Variants in ATXN7L1 observed in about 807,000 individuals in gnomAD.
The protein encoded by ATXN7L1 is ataxin-7-like protein 1.
ATXN7L1 carries 15 observed loss-of-function variants against 70.8 expected under a neutral mutation model. The ratio of observed to expected loss-of-function variants is 0.21; its 90% confidence interval spans 0.14 to 0.33. The LOEUF is 0.33. Among genes scored for constraint, ATXN7L1 ranks in the 10% least tolerant of loss-of-function variants. The pLI is 1.00. For missense variants in ATXN7L1, 975 were observed against 1,097.1 expected, an observed-to-expected ratio of 0.89 and a Z score of 1.57; for synonymous variants, 440 against 445.1, an observed-to-expected ratio of 0.99 and a Z score of 0.14.
At chr7:105,675,524 T>C (rs1370601822) in intron 3 of ATXN7L1, among the ~76,000 whole-genome samples, 3 of 149,256 alleles carry the variant, frequency 2.0e-5, no homozygotes, top group Admixed American at 2.0e-4. Context: ...ACTCGGGAGG[T>C]TGAGGTGGGA....
chr7:105,634,051 T>A (rs1797005652), intron 7 of ATXN7L1, among the ~76,000 whole-genome samples: 2 of 152,106 alleles, frequency 1.3e-5, no homozygotes, highest in South Asian at 4.1e-4. Context: ...ACCTTTTAGC[T>A]CTGATTGCTG....
Position 105,663,598 on chromosome 7 carries a change from C to T in ATXN7L1, c.578+1468G>A, listed in dbSNP as rs146785938. Among the ~76,000 whole-genome samples, 7 of 152,310 alleles carry T rather than the reference C, an allele frequency of 4.6e-5. No individual in the cohort carries two copies. In the East Asian group the frequency reaches 1.3e-3, roughly 29 times the overall value. On this transcript the variant is annotated intron_variant, in intron 4 of 11. Transcript: ENST00000419735. ...GGCTTGAAAGATAAGCATAGAGGTGCTGTCAGAAGCCAGTTCCTTAAGTAC... is the reference window on the plus strand; with the variant it reads ...GGCTTGAAAGATAAGCATAGAGGTGTTGTCAGAAGCCAGTTCCTTAAGTAC...
At chr7:105,636,994 A>C (rs1437443029) in intron 7 of ATXN7L1, among the ~76,000 whole-genome samples, 2 of 152,218 alleles carry the variant, frequency 1.3e-5, no homozygotes, top group African/African-American at 4.8e-5. Flanking sequence ...ACTCTAAAAC[A>C]AGGGTAATAT....
intron 2 of ATXN7L1, among the ~76,000 whole-genome samples, chr7:105,845,318 A>C (rs995007864): frequency 7.9e-5 from 12 of 152,024 alleles, no homozygotes; most frequent in Non-Finnish European, 1.0e-4. Context: ...ATCAAAAATA[A>C]AATACTTACC....
At chr7:105,774,350 A>AC (rs1802423576) in intron 3 of ATXN7L1, among the ~76,000 whole-genome samples, 1 of 114,360 alleles carries the variant, frequency 8.7e-6, no homozygotes, top group Non-Finnish European at 1.7e-5. Flanking sequence ...AGAGCCAGCA[A>AC]CCCTTTTTTT....
At chr7:105,691,729 C>T (rs1213467756) in intron 3 of ATXN7L1, 1 of 150,894 alleles carries the variant, frequency 6.6e-6, no homozygotes, top group African/African-American at 2.4e-5. Context: ...ATCGCAACGA[C>T]TAAACAACAA....
chr7:105,735,620 A>T (rs1797290675), intron 3 of ATXN7L1, among the ~76,000 whole-genome samples: 1 of 152,220 alleles, frequency 6.6e-6, no homozygotes, highest in African/African-American at 2.4e-5. Context: ...CAGTTTCAAC[A>T]ATTAATATCC....
chr7:105,682,099 C>G (rs1805625188), intron 3 of ATXN7L1, among the ~76,000 whole-genome samples: 2 of 152,056 alleles, frequency 1.3e-5, no homozygotes, highest in Non-Finnish European at 2.9e-5. Context: ...GTGGTGTGCA[C>G]CTGTAGTCCC....
intron 4 of ATXN7L1, chr7:105,649,405 AC>A: frequency 1.0e-6 from 1 of 986,998 alleles, no homozygotes; most frequent in South Asian, 4.7e-5. Flanking sequence ...GGCGATATCT[AC>A]CTCTGTTTCT....
rs150231571 is a variant in ATXN7L1, at chr7:105,622,893, T to A, written c.1395+1182A>T. Among the ~76,000 whole-genome samples, 3 of 152,288 alleles carry A rather than the reference T, an allele frequency of 2.0e-5. 1 individual carries two copies. In the East Asian group the frequency reaches 5.8e-4, roughly 29 times the overall value. On this transcript the variant is annotated intron_variant, in intron 8 of 11. Coordinates refer to ENST00000419735, the MANE Select transcript of ATXN7L1 (RefSeq NM_020725.2). ...AGCAGCAGCTGACGTACAGGGACCATGCGTGAAAAGTAGAGGGAATTGCAG... is the reference window on the plus strand; with the variant it reads ...AGCAGCAGCTGACGTACAGGGACCAAGCGTGAAAAGTAGAGGGAATTGCAG...
At chr7:105,835,117 G>GT (rs1201099900) in intron 2 of ATXN7L1, among the ~76,000 whole-genome samples, 199 of 94,526 alleles carry the variant, frequency 2.1e-3, no homozygotes, top group Middle Eastern at 7.1e-3. Context: ...TGTGGAAGCT[G>GT]TTTTTTTTTT....
intron 3 of ATXN7L1, among the ~76,000 whole-genome samples, chr7:105,722,760 C>T (rs1563037443): frequency 6.6e-6 from 1 of 151,762 alleles, no homozygotes; most frequent in Non-Finnish European, 1.5e-5. Flanking sequence ...TGGCATGTGC[C>T]TGTAATCCCC....
chr7:105,718,249 T>C (rs1563033377), intron 3 of ATXN7L1, among the ~76,000 whole-genome samples: 3 of 152,052 alleles, frequency 2.0e-5, no homozygotes. Context: ...GATACCTGAG[T>C]GGGGAAGAAA....
At chr7:105,651,431 T>C (rs969878561) in intron 4 of ATXN7L1, among the ~76,000 whole-genome samples, 1 of 152,160 alleles carries the variant, frequency 6.6e-6, no homozygotes, top group East Asian at 1.9e-4. Context: ...AAGGTATATA[T>C]GTGGGGTGCA....
At chr7:105,697,276 CCG>C (rs552541227) in intron 3 of ATXN7L1, among the ~76,000 whole-genome samples, 1 of 152,246 alleles carries the variant, frequency 6.6e-6, no homozygotes, top group African/African-American at 2.4e-5. Context: ...GTCTATCTCA[CCG>C]CTGCAATCTC....
At chr7:105,716,669 AC>A (rs1794587960) in intron 3 of ATXN7L1, among the ~76,000 whole-genome samples, 1 of 9,800 alleles carries the variant, frequency 1.0e-4, no homozygotes, top group Non-Finnish European at 1.5e-4. Flanking sequence ...ATCTCTGCAC[AC>A]ACACACACAC....
intron 2 of ATXN7L1, among the ~76,000 whole-genome samples, chr7:105,824,919 C>G (rs1490059396): frequency 2.1e-5 from 3 of 142,570 alleles, no homozygotes; most frequent in Non-Finnish European, 3.0e-5. Flanking sequence ...GAGATTCCGT[C>G]TCAAAAAAAA....
At chr7:105,693,205 T>G (rs1011224860) in intron 3 of ATXN7L1, among the ~76,000 whole-genome samples, 1 of 151,446 alleles carries the variant, frequency 6.6e-6, no homozygotes, top group Non-Finnish European at 1.5e-5. Context: ...TGTTTTTGTT[T>G]TAAATAGAGA....
intron 3 of ATXN7L1, among the ~76,000 whole-genome samples, chr7:105,666,230 C>G (rs1188081183): frequency 6.6e-6 from 1 of 152,158 alleles, no homozygotes; most frequent in Non-Finnish European, 1.5e-5. Context: ...AATCCCAAAC[C>G]CTAAAAAAGA....
Sources: gnomAD v4.1 joint callset for allele counts (sites outside exome capture counted in the v4.1 genomes callset) on GRCh38, gnomAD v4.1.1 for gene constraint, MANE v1.5 for transcripts, NCBI Gene and HGNC (gene_info 2026-07-23, HGNC 2026-07-21) for gene names.